Variants in RTTN observed in about 807,000 individuals in gnomAD.
The protein encoded by RTTN is rotatin.
In RTTN, 182 loss-of-function variants were observed where a neutral mutation model predicts 269.2. The observed-to-expected ratio is 0.68, with a 90% CI of 0.60 to 0.76. The LOEUF (loss-of-function observed/expected upper bound fraction) is 0.76, where lower values mean the gene tolerates loss of function less well. Among genes scored for constraint, RTTN ranks in the 30% least tolerant of loss-of-function variants. The pLI is 0.00. For synonymous variants in RTTN, 1,006 were observed against 963.5 expected (o/e 1.04, Z -0.82); for missense variants, 2,545 against 2,608.6 (o/e 0.98, Z 0.53).
Position 70,139,590 on chromosome 18 carries a change from T to C in RTTN, c.2788+9A>G, listed in dbSNP as rs934719641. The C allele has an allele frequency of 1.4e-5, 21 of 1,536,758 alleles. No individual in the cohort carries two copies. The highest frequency in any genetic ancestry group is 1.7e-5 in the Non-Finnish European group (19 of 1,119,202). On this transcript the variant is annotated intron_variant, in intron 21 of 48. Coordinates refer to ENST00000640769, the MANE Select transcript of RTTN (RefSeq NM_173630.4). ...CAATCTAATTATTAGCAGATTTTCTTTTATTTACCTCTGAATAACACGGTC... is the reference window on the plus strand; with the variant it reads ...CAATCTAATTATTAGCAGATTTTCTCTTATTTACCTCTGAATAACACGGTC...
intron 23 of RTTN, 116 bp downstream of exon 23, chr18:70,134,357 G>C (rs1401735697): frequency 2.6e-6 from 2 of 773,660 alleles, no homozygotes; most frequent in African/African-American, 1.8e-5. Flanking sequence ...AACCATGAAA[G>C]CCCAAGTTAT....
chr18:70,159,986 C>G (rs1191852977), intron 14 of RTTN, among the ~76,000 whole-genome samples: 1 of 152,058 alleles, frequency 6.6e-6, no homozygotes, highest in East Asian at 1.9e-4. Context: ...GACAAACTCA[C>G]AGCCAAATTC....
intron 40 of RTTN, among the ~76,000 whole-genome samples, chr18:70,047,011 T>G (rs979186084): frequency 6.6e-6 from 1 of 152,176 alleles, no homozygotes; most frequent in African/African-American, 2.4e-5. Context: ...ACCAGAAATA[T>G]CTGCATGATC....
chr18:70,134,434 T>G (rs758421815), intron 23 of RTTN, 39 bp downstream of exon 23: 1 of 1,408,712 alleles, frequency 7.1e-7, no homozygotes, highest in Non-Finnish European at 1.0e-6. Flanking sequence ...TGTAACAACA[T>G]TTCGTCCTTC....
intron 32 of RTTN, among the ~76,000 whole-genome samples, chr18:70,078,088 T>C (rs1168807335): frequency 2.0e-5 from 3 of 151,652 alleles, no homozygotes; most frequent in African/African-American, 7.3e-5. Flanking sequence ...GCTTAATAAA[T>C]GTCAAGCAAG....
chr18:70,123,019 T>C (rs2145575386), intron 25 of RTTN, among the ~76,000 whole-genome samples: 1 of 152,226 alleles, frequency 6.6e-6, no homozygotes, highest in East Asian at 1.9e-4. Context: ...TCAGGGCCTA[T>C]CCCTTTGCCT....
intron 14 of RTTN, among the ~76,000 whole-genome samples, chr18:70,154,699 G>A (rs4891817): frequency 0.81 from 123,674 of 152,006 alleles, 53,491 homozygotes; most frequent in East Asian, 1. Context: ...TTCTACAGTC[G>A]ACATGTCATT....
chr18:70,190,273 A>C (rs1273189988), intron 9 of RTTN, among the ~76,000 whole-genome samples: 1 of 152,090 alleles, frequency 6.6e-6, no homozygotes, highest in Non-Finnish European at 1.5e-5. Flanking sequence ...AAAATAGATA[A>C]AAATTCTAAA....
intron 37 of RTTN, among the ~76,000 whole-genome samples, chr18:70,055,833 TA>T (rs111941963): frequency 3.3e-5 from 5 of 151,322 alleles, no homozygotes; most frequent in African/African-American, 1.2e-4. Context: ...ATGGCCCTCT[TA>T]AAAAAAAATA....
intron 38 of RTTN, among the ~76,000 whole-genome samples, chr18:70,052,477 T>C (rs1315128346): frequency 6.6e-6 from 1 of 152,120 alleles, no homozygotes; most frequent in East Asian, 1.9e-4. Flanking sequence ...ACTTTGTACA[T>C]AAAAAGGCTA....
intron 11 of RTTN, among the ~76,000 whole-genome samples, chr18:70,170,799 G>A (rs961863117): frequency 2.6e-5 from 4 of 152,194 alleles, no homozygotes; most frequent in African/African-American, 9.6e-5. Flanking sequence ...ATCCAGGCAG[G>A]ACAGAATGGT....
At chr18:70,061,057 A>T (rs980375353) in intron 35 of RTTN, among the ~76,000 whole-genome samples, 2 of 151,952 alleles carry the variant, frequency 1.3e-5, no homozygotes, top group African/African-American at 4.8e-5. Context: ...TGCAATCAAC[A>T]TGGGAGTGCA....
chr18:70,143,403 T>C (rs1187636828), intron 18 of RTTN, among the ~76,000 whole-genome samples: 1 of 151,950 alleles, frequency 6.6e-6, no homozygotes, highest in African/African-American at 2.4e-5. Flanking sequence ...CACCATAGAG[T>C]ACCATGCAGC....
Position 70,017,749 on chromosome 18 carries a change from A to T in RTTN, c.6154-75T>A, listed in dbSNP as rs2056584565. ...TTTCCTAGTCCCTTGGTGACCAATT[A>T]ACTAACATTCTGATATACTCTCCCT... On this transcript the variant is annotated intron_variant, in intron 45 of 48. Transcript: ENST00000640769. The T allele has an allele frequency of 5.0e-6, 6 of 1,193,354 alleles. No homozygotes were observed. In the South Asian group the frequency reaches 7.7e-5, roughly 15 times the overall value. 73.9% of individuals were successfully genotyped at this position (1,193,354 alleles called of 1,614,324 possible).
At chr18:70,091,150 AC>A (rs1320087655) in intron 30 of RTTN, among the ~76,000 whole-genome samples, 1 of 152,078 alleles carries the variant, frequency 6.6e-6, no homozygotes, top group Non-Finnish European at 1.5e-5. Context: ...GAGATTTTGG[AC>A]TTTAGACTTT....
rs1264662542 is a variant in RTTN, at chr18:70,109,583, A to G, written c.3818T>C (p.Leu1273Pro). Residue 1273 changes from leucine (L) to proline (P), a missense_variant, in exon 28 of 49, where the codon CTC (leucine) becomes CCC (proline). Coordinates refer to ENST00000640769, the MANE Select transcript of RTTN (RefSeq NM_173630.4). ...TGAGCTCCATCCCGGAAACGCAGTG[A>G]GGTTAGCCATCCCTCGTAAGGTCCG... ...LERTLRGMANLTAFPGWSSHS... is the reference protein window; with the variant it reads ...LERTLRGMANPTAFPGWSSHS... The G allele has an allele frequency of 1.2e-6, 2 of 1,614,034 alleles. No individual in the cohort carries two copies. Among genetic ancestry groups the G allele is most frequent in the Non-Finnish European group, 1.7e-6 (2 of 1,180,030 alleles).
At chr18:70,198,802 T>A (rs545088787) in intron 5 of RTTN, among the ~76,000 whole-genome samples, 1 of 152,270 alleles carries the variant, frequency 6.6e-6, no homozygotes, top group African/African-American at 2.4e-5. Context: ...TCCATTTTTA[T>A]CAATCAAGGG....
At chr18:70,012,750 T>C (rs1037961820) in intron 46 of RTTN, among the ~76,000 whole-genome samples, 12 of 152,172 alleles carry the variant, frequency 7.9e-5, no homozygotes, top group African/African-American at 2.9e-4. Context: ...GTCTGCTCAC[T>C]GGTATTAGTT....
At position 70,088,024 on chromosome 18, in the gene RTTN, G is replaced by A; in HGVS notation, c.4267C>T (p.Leu1423=). Residue 1423 remains leucine, a synonymous_variant, in exon 31 of 49, where the codon CTG becomes TTG. Coordinates refer to ENST00000640769, the MANE Select transcript of RTTN (RefSeq NM_173630.4). ...GLWGTVVNIL[L]DQSECSMVRR... ...ACCATACTACATTCTGACTGGTCCA[G>A]AAGAATGTTCACCACAGTTCCCCAG... 1 of 1,613,832 alleles carries A rather than the reference G, an allele frequency of 6.2e-7. No individual in the cohort carries two copies. The highest frequency in any genetic ancestry group is 8.5e-7 in the Non-Finnish European group (1 of 1,179,866).
Sources: allele counts gnomAD v4.1 joint callset (sites outside exome capture counted in the v4.1 genomes callset), GRCh38; gene constraint gnomAD v4.1.1; transcripts MANE v1.5; gene names NCBI Gene and HGNC (gene_info 2026-07-23, HGNC 2026-07-21).